The following PCDHGA3 variants were observed in gnomAD, a reference collection of about 807,000 sequenced individuals.
PCDHGA3 encodes protocadherin gamma-A3.
PCDHGA3 carries 40 observed loss-of-function variants against 58.5 expected under a neutral mutation model. That is an observed-to-expected ratio of 0.68 (90% CI 0.53 to 0.89). PCDHGA3 has a LOEUF of 0.89. PCDHGA3 is among the 40% of genes least tolerant of loss of function. PCDHGA3 has a pLI of 0.00. For missense variants in PCDHGA3, 1,223 were observed against 1,195.9 expected, an observed-to-expected ratio of 1.02 and a Z score of -0.33; for synonymous variants, 530 against 525.7, an observed-to-expected ratio of 1.01 and a Z score of -0.11.
chr5:141,367,545 T>TAAAA (rs1466224811), intron 1 of PCDHGA3: 1 of 145,462 alleles, frequency 6.9e-6, no homozygotes, highest in African/African-American at 2.5e-5. Flanking sequence ...TCAAAATAAA[T>TAAAA]AAATAAATAA....
chr5:141,471,591 A>T (rs925105880), intron 1 of PCDHGA3: 1 of 152,294 alleles, frequency 6.6e-6, no homozygotes, highest in South Asian at 2.1e-4. Context: ...AGTAATTGAT[A>T]GTTTCAAAAT....
intron 1 of PCDHGA3, chr5:141,356,549 C>G (rs1174106080): frequency 6.2e-7 from 1 of 1,614,120 alleles, no homozygotes; most frequent in Non-Finnish European, 8.5e-7. Flanking sequence ...GACAACCCAC[C>G]CACTTTCCCT....
At chr5:141,350,834 C>G in intron 1 of PCDHGA3, 2 of 1,614,054 alleles carry the variant, frequency 1.2e-6, no homozygotes, top group Non-Finnish European at 1.7e-6. Context: ...TCCGGTATTA[C>G]TGCTGGAAAA....
intron 1 of PCDHGA3, among the ~76,000 whole-genome samples, chr5:141,456,006 T>C (rs909931677): frequency 6.6e-6 from 1 of 151,852 alleles, no homozygotes; most frequent in Non-Finnish European, 1.5e-5. Flanking sequence ...CATGCCATTC[T>C]CCTGCCTCAG....
intron 1 of PCDHGA3, among the ~76,000 whole-genome samples, chr5:141,382,053 TC>T (rs1158430534): frequency 6.6e-6 from 1 of 151,934 alleles, no homozygotes; most frequent in Non-Finnish European, 1.5e-5. Flanking sequence ...GGTCTCAAGC[TC>T]CCGACCTCAG....
chr5:141,366,312 C>T (rs889893498), intron 1 of PCDHGA3: 5 of 1,613,630 alleles, frequency 3.1e-6, no homozygotes, highest in Admixed American at 3.3e-5. Flanking sequence ...TTCACGGTCA[C>T]CGTTGCCGTG....
intron 1 of PCDHGA3, among the ~76,000 whole-genome samples, chr5:141,474,187 T>A (rs2099345004): frequency 6.6e-6 from 1 of 152,210 alleles, no homozygotes; most frequent in South Asian, 2.1e-4. Context: ...ACTACTTACA[T>A]TTTTAAAAGC....
At chr5:141,351,471 G>T (rs1758728622) in intron 1 of PCDHGA3, 1 of 1,613,760 alleles carries the variant, frequency 6.2e-7, no homozygotes. Context: ...GTGATTGCTG[G>T]AGCCCTAAAC....
At chr5:141,358,633 A>G (rs537297166) in intron 1 of PCDHGA3, among the ~76,000 whole-genome samples, 1 of 152,348 alleles carries the variant, frequency 6.6e-6, no homozygotes, top group East Asian at 1.9e-4. Context: ...AATTTCAGTC[A>G]TATATAAGTA....
At chr5:141,365,572 G>A (rs543051313) in intron 1 of PCDHGA3, 3 of 1,613,640 alleles carry the variant, frequency 1.9e-6, no homozygotes, top group Admixed American at 3.3e-5. Flanking sequence ...ACAGAGAAGA[G>A]ACTTCAGATT....
Position 141,345,578 on chromosome 5 carries a change from C to T in PCDHGA3, c.1545C>T (p.Tyr515=), listed in dbSNP as rs757613840. 1.9e-6 allele frequency: 3 copies of T among 1,614,208 alleles called. No homozygotes were observed. Among genetic ancestry groups the T allele is most frequent in the African/African-American group, 1.3e-5 (1 of 75,034 alleles). ...VSINSNTGVL[Y]ALRSFDYEQF... is the part of the protein sequence containing the mutation. ...TCAACTCCAACACTGGCGTCCTATA[C>T]GCGCTGAGATCCTTCGACTACGAGC... is the stretch of plus-strand genomic sequence containing the variant. Residue 515 remains tyrosine (Y), a synonymous_variant, in exon 1 of 4, where the codon TAC becomes TAT. Coordinates refer to ENST00000253812, the MANE Select transcript of PCDHGA3 (RefSeq NM_018916.4).
intron 1 of PCDHGA3, chr5:141,410,687 T>C: frequency 6.6e-7 from 1 of 1,518,632 alleles, no homozygotes; most frequent in Non-Finnish European, 8.8e-7. Flanking sequence ...TTAGGCATAC[T>C]ACTTTATTTT....
In PCDHGA3 at chr5:141,486,440, A is replaced by G; in HGVS notation, c.2425-8367A>G. 6.2e-7 allele frequency: 1 copy of G among 1,614,114 alleles called. No individual in the cohort carries two copies. The highest frequency in any genetic ancestry group is 8.5e-7 in the Non-Finnish European group (1 of 1,179,936). On this transcript the variant is annotated intron_variant, in intron 1 of 3. Coordinates refer to ENST00000253812, the MANE Select transcript of PCDHGA3 (RefSeq NM_018916.4). This position sits in a 1 kb window ranked among gnomAD's most constrained non-coding sequence, Gnocchi z 5.0. ...TCGAGAGGCCAAATCTAGCTATGACATCATGGTCACTGCTTCTGATGCTGG... is the reference window on the plus strand; with the variant it reads ...TCGAGAGGCCAAATCTAGCTATGACGTCATGGTCACTGCTTCTGATGCTGG...
rs182404532 is a variant in PCDHGA3 at position 141,384,827 on chromosome 5, T to G, written c.2424+38370T>G. ...AGAGATGCCCTCAAGCAGAGCCTCGTGGTGGCCGTCCAGGACCACGGTCAG... is the reference window on the plus strand; with the variant it reads ...AGAGATGCCCTCAAGCAGAGCCTCGGGGTGGCCGTCCAGGACCACGGTCAG... On this transcript the variant is annotated intron_variant, in intron 1 of 3. Coordinates refer to ENST00000253812, the MANE Select transcript of PCDHGA3 (RefSeq NM_018916.4). 8,704 of 1,613,474 alleles carry G rather than the reference T, an allele frequency of 5.4e-3. 36 individuals carry two copies. The highest frequency in any genetic ancestry group is 6.5e-3 in the Non-Finnish European group (7,724 of 1,179,900).
chr5:141,350,646 G>C (rs780333642), intron 1 of PCDHGA3: 4 of 1,613,896 alleles, frequency 2.5e-6, no homozygotes, highest in African/African-American at 1.3e-5. Context: ...AATGCACCAC[G>C]TTTCGTTGCA....
At position 141,490,821 on chromosome 5, in the gene PCDHGA3, G is replaced by A. The variant is rs907584239; in HGVS notation, c.2425-3986G>A. On this transcript the variant is annotated intron_variant, in intron 1 of 3. Transcript: ENST00000253812. The surrounding 1 kb of genome is among the most constrained non-coding windows in gnomAD (Gnocchi z 5.4). ...AGCGTACCTTTGACTATGAATTGCT[G>A]CAGATGCTGCAGATTGTGGTGGGGG... 6.2e-7 allele frequency: 1 copy of A among 1,613,876 alleles called. No homozygotes were observed. Among genetic ancestry groups the A allele is most frequent in the Non-Finnish European group, 8.5e-7 (1 of 1,179,826 alleles).
At chr5:141,360,070 C>T (rs1230687498) in intron 1 of PCDHGA3, 2 of 1,469,578 alleles carry the variant, frequency 1.4e-6, no homozygotes, top group Non-Finnish European at 1.8e-6. Context: ...GTGACCTTAG[C>T]CCGGATTCTG....
intron 1 of PCDHGA3, chr5:141,389,052 T>C (rs769661783): frequency 9.5e-5 from 153 of 1,613,794 alleles, no homozygotes; most frequent in Non-Finnish European, 8.5e-5. Flanking sequence ...TGATGTTCCA[T>C]TTAAAATATT....
chr5:141,473,033 GGAAA>G (rs1282468299), intron 1 of PCDHGA3, among the ~76,000 whole-genome samples: 6 of 146,356 alleles, frequency 4.1e-5, no homozygotes, highest in South Asian at 2.2e-4. Flanking sequence ...AAGGAAGGAA[GGAAA>G]GAAAGAAAGA....
Sources: gnomAD v4.1 joint callset for allele counts (sites outside exome capture counted in the v4.1 genomes callset) on GRCh38, gnomAD v4.1.1 for gene constraint, Gnocchi (gnomAD v3.1) non-coding constraint, MANE v1.5 for transcripts, NCBI Gene and HGNC (gene_info 2026-07-23, HGNC 2026-07-21) for gene names.